The following ZC4H2 variants were observed in gnomAD, a reference collection of about 807,000 sequenced individuals.
ZC4H2 encodes zinc finger C4H2 domain-containing protein.
For missense variants in ZC4H2, 137 were observed against 173.9 expected, an observed-to-expected ratio of 0.79 and a Z score of 1.19; for synonymous variants, 84 against 66.3, an observed-to-expected ratio of 1.27 and a Z score of -1.30.
Position 64,921,953 on chromosome X carries a change from C to T in ZC4H2, c.89G>A (p.Arg30His), listed in dbSNP as rs752785512. 56 of 1,208,426 alleles carry T rather than the reference C, an allele frequency of 4.6e-5. No homozygotes were observed. The highest frequency in any genetic ancestry group is 2.4e-4 in the East Asian group (8 of 33,683). Residue 30 changes from arginine to histidine, a missense_variant, in exon 2 of 5, where the codon CGT becomes CAT. Coordinates refer to ENST00000374839, the MANE Select transcript of ZC4H2 (RefSeq NM_018684.4). ...KTLQMEKIKA[R>H]LKAEFEALES... ...AAGTGCCTCAAACTCAGCCTTCAAA[C>T]GAGCCTTGATCTTCTCCATCTGCAG...
At chrX:65,031,263 G>A (rs1367553368) in intron 1 of ZC4H2, among the ~76,000 whole-genome samples, 1 of 112,058 alleles carries the variant, frequency 8.9e-6, no homozygotes, top group African/African-American at 3.2e-5. Flanking sequence ...GATAAAATAT[G>A]CATAAGTCAC....
chrX:64,919,789 TG>T, intron 3 of ZC4H2: 1 of 278,748 alleles, frequency 3.6e-6, no homozygotes, highest in South Asian at 1.5e-4. Flanking sequence ...GACATAGTCT[TG>T]TATTGTCAAT....
intron 1 of ZC4H2, among the ~76,000 whole-genome samples, chrX:65,017,720 G>C (rs1242012358): frequency 1.8e-5 from 2 of 111,764 alleles, no homozygotes; most frequent in Non-Finnish European, 3.8e-5. Flanking sequence ...ACAAATTCAA[G>C]TCTCCCTTGG....
intron 1 of ZC4H2, among the ~76,000 whole-genome samples, chrX:64,949,045 A>C (rs1930670361): frequency 8.9e-6 from 1 of 111,875 alleles, no homozygotes; most frequent in African/African-American, 3.2e-5. Context: ...TCTGCTCTTC[A>C]ACAAAAATTT....
At chrX:65,027,429 GA>G (rs1422278215) in intron 1 of ZC4H2, among the ~76,000 whole-genome samples, 3 of 111,352 alleles carry the variant, frequency 2.7e-5, no homozygotes, top group African/African-American at 9.8e-5. Context: ...AAATACTCCT[GA>G]AAAAAATTAG....
chrX:64,935,646 C>T (rs1012876891), intron 1 of ZC4H2, among the ~76,000 whole-genome samples: 6 of 111,957 alleles, frequency 5.4e-5, no homozygotes, highest in African/African-American at 9.7e-5. Context: ...CAATCGTTGC[C>T]GTTCTTCAGC....
At chrX:65,001,597 T>C (rs1409793871) in intron 1 of ZC4H2, among the ~76,000 whole-genome samples, 1 of 112,005 alleles carries the variant, frequency 8.9e-6, no homozygotes, top group Non-Finnish European at 1.9e-5. Flanking sequence ...ATAACAATAT[T>C]AACCTTAAAT....
chrX:64,934,673 G>A (rs866754184), intron 1 of ZC4H2, among the ~76,000 whole-genome samples: 2 of 111,944 alleles, frequency 1.8e-5, no homozygotes, highest in Non-Finnish European at 3.8e-5. Context: ...TTGGACAGTG[G>A]GTGCAGACCA....
chrX:64,973,359 A>G lies in ZC4H2; in HGVS notation c.53+2966T>C, dbSNP rs192139992. On this transcript the variant is annotated intron_variant, in intron 1 of 4. Transcript: ENST00000374839. ...CAGTGTTTTCTCTCAGTAATATATTATGTATACATAATTTATTTAATAGTC... is the reference window on the plus strand; with the variant it reads ...CAGTGTTTTCTCTCAGTAATATATTGTGTATACATAATTTATTTAATAGTC... 1.4e-4 allele frequency among the ~76,000 whole-genome samples: 16 copies of G among 110,575 alleles called. No homozygotes were observed. The Middle Eastern group carries it at 0.014, about 97-fold the overall frequency.
At chrX:65,031,968 G>A (rs970240367) in intron 1 of ZC4H2, among the ~76,000 whole-genome samples, 1 of 112,069 alleles carries the variant, frequency 8.9e-6, no homozygotes, top group Non-Finnish European at 1.9e-5. Flanking sequence ...TCTCTTGAAG[G>A]CTACTTATAT....
intron 1 of ZC4H2, among the ~76,000 whole-genome samples, chrX:64,956,690 C>A (rs1048398720): frequency 4.5e-5 from 5 of 111,637 alleles, no homozygotes; most frequent in Admixed American, 1.9e-4. Flanking sequence ...CCCTAACAGA[C>A]CAAACCAAAC....
rs191348803 is a variant in ZC4H2, at chrX:64,999,851, G to A, written c.-272+34778C>T. On this transcript the variant is annotated intron_variant, in intron 1 of 4. Transcript: ENST00000337990. The stretch of plus-strand genomic sequence containing the variant: ...ATGTTCAAACTGGGCAGAGCCCACC[G>A]CAGCTTGACAAAGCCTCCGTAGCAA... Among the ~76,000 whole-genome samples the A allele has an allele frequency of 5.8e-3, 646 of 112,156 alleles. 19 individuals are homozygous for A. The highest frequency in any genetic ancestry group is 0.051 in the Admixed American group (548 of 10,667).
At chrX:64,949,987 T>A (rs898132423) in intron 1 of ZC4H2, among the ~76,000 whole-genome samples, 1 of 112,114 alleles carries the variant, frequency 8.9e-6, no homozygotes, top group Admixed American at 9.5e-5. Context: ...GGGCATTTAG[T>A]GATATAAATT....
chrX:64,974,545 C>T (rs762066547), intron 1 of ZC4H2, among the ~76,000 whole-genome samples: 2 of 111,827 alleles, frequency 1.8e-5, no homozygotes, highest in East Asian at 5.6e-4. Context: ...AGTCCTCTAC[C>T]ACTCTCTTGG....
intron 1 of ZC4H2, among the ~76,000 whole-genome samples, chrX:65,009,323 T>G (rs1273666947): frequency 9.1e-6 from 1 of 110,358 alleles, no homozygotes; most frequent in Non-Finnish European, 1.9e-5. Flanking sequence ...TGACCCAAAT[T>G]AACTACACCT....
intron 1 of ZC4H2, among the ~76,000 whole-genome samples, chrX:64,952,808 GA>G (rs759234448): frequency 4.4e-4 from 47 of 107,227 alleles, no homozygotes; most frequent in Non-Finnish European, 5.2e-4. Flanking sequence ...CACAGAATTG[GA>G]AAAAAAAACT....
At chrX:64,949,846 C>T (rs1930709645) in intron 1 of ZC4H2, among the ~76,000 whole-genome samples, 1 of 111,472 alleles carries the variant, frequency 9.0e-6, no homozygotes, top group African/African-American at 3.3e-5. Flanking sequence ...TCTCTATCTC[C>T]TTCAGTTCTG....
At chrX:64,940,352 G>C (rs1930218958) in intron 1 of ZC4H2, among the ~76,000 whole-genome samples, 1 of 111,185 alleles carries the variant, frequency 9.0e-6, no homozygotes, top group African/African-American at 3.3e-5. Flanking sequence ...CCATTCTGTA[G>C]GTTGCCTGTT....
chrX:64,923,038 G>T (rs751785862), intron 1 of ZC4H2, among the ~76,000 whole-genome samples: 1 of 111,380 alleles, frequency 9.0e-6, no homozygotes, highest in East Asian at 2.8e-4. Context: ...CCTATACTTG[G>T]GAATATATTT....
Sources: gnomAD v4.1 joint callset for allele counts (sites outside exome capture counted in the v4.1 genomes callset) on GRCh38, gnomAD v4.1.1 for gene constraint, MANE v1.5 for transcripts, NCBI Gene and HGNC (gene_info 2026-07-23, HGNC 2026-07-21) for gene names.